Variants in SFRP1 observed in about 807,000 individuals in gnomAD.
SFRP1 encodes secreted frizzled related protein 1.
Under a neutral mutation model 25.9 loss-of-function variants are expected in SFRP1, and 9 were observed. That is an observed-to-expected ratio of 0.35 (90% CI 0.21 to 0.61). The LOEUF is 0.61. Ranked by LOEUF, SFRP1 falls within the 20% of genes least tolerant of loss-of-function variation. The pLI is 0.78. For missense variants in SFRP1, 346 were observed against 418.2 expected (o/e 0.83, Z 1.51); for synonymous variants, 178 against 174.0 (o/e 1.02, Z -0.18).
intron 2 of SFRP1, among the ~76,000 whole-genome samples, chr8:41,270,748 G>A (rs539257865): frequency 3.3e-5 from 5 of 151,744 alleles, no homozygotes; most frequent in South Asian, 2.1e-4. Flanking sequence ...GCTTGAACCC[G>A]GGAGGTGGAG....
chr8:41,300,187 G>A (rs1259545341), intron 2 of SFRP1, among the ~76,000 whole-genome samples: 4 of 152,146 alleles, frequency 2.6e-5, no homozygotes, highest in African/African-American at 7.2e-5. Context: ...ACGGAGGTGC[G>A]GGAAACTGAA....
intron 2 of SFRP1, among the ~76,000 whole-genome samples, chr8:41,277,492 G>C (rs1360733016): frequency 6.6e-6 from 1 of 152,186 alleles, no homozygotes; most frequent in Non-Finnish European, 1.5e-5. Flanking sequence ...ACTATCCCTC[G>C]CTCTGAGAGA....
At chr8:41,275,295 G>A (rs987701428) in intron 2 of SFRP1, 2 of 368,420 alleles carry the variant, frequency 5.4e-6, no homozygotes, top group African/African-American at 2.3e-5. Context: ...GGATGACGGG[G>A]CAAGCAGTTG....
At chr8:41,304,208 G>A (rs1007809561) in intron 1 of SFRP1, among the ~76,000 whole-genome samples, 15 of 152,186 alleles carry the variant, frequency 9.9e-5, no homozygotes, top group African/African-American at 7.2e-5. Context: ...GTGCTTTGAA[G>A]AGGAGGTTTG....
intron 2 of SFRP1, among the ~76,000 whole-genome samples, chr8:41,296,330 A>G (rs1287910211): frequency 6.6e-6 from 1 of 152,208 alleles, no homozygotes; most frequent in Non-Finnish European, 1.5e-5. Context: ...TGCCAGATAA[A>G]CAACTTTCTT....
At chr8:41,283,316 G>C (rs150145765) in intron 2 of SFRP1, among the ~76,000 whole-genome samples, 240 of 152,272 alleles carry the variant, frequency 1.6e-3, no homozygotes, top group South Asian at 5.2e-3. Flanking sequence ...GGAGTAGGAT[G>C]ATCTTTAGGC....
At chr8:41,294,671 T>C (rs1486408640) in intron 2 of SFRP1, among the ~76,000 whole-genome samples, 2 of 152,168 alleles carry the variant, frequency 1.3e-5, no homozygotes, top group African/African-American at 2.4e-5. Flanking sequence ...ATCTATTACC[T>C]GCACATCAAT....
chr8:41,307,405 C>CG (rs1804011913), intron 1 of SFRP1, among the ~76,000 whole-genome samples: 1 of 152,188 alleles, frequency 6.6e-6, no homozygotes, highest in African/African-American at 2.4e-5. Context: ...CCCACCTGCC[C>CG]AAATCCTCAC....
At chr8:41,270,252 G>A (rs1803487734) in intron 2 of SFRP1, among the ~76,000 whole-genome samples, 1 of 152,134 alleles carries the variant, frequency 6.6e-6, no homozygotes, top group Admixed American at 6.5e-5. Context: ...CTGAGCCCGT[G>A]CAATCATTCC....
chr8:41,294,142 G>A (rs1227552441), intron 2 of SFRP1, among the ~76,000 whole-genome samples: 1 of 152,158 alleles, frequency 6.6e-6, no homozygotes, highest in Admixed American at 6.5e-5. Context: ...CCTGAGAGGT[G>A]AGCACAGCGG....
At chr8:41,279,314 C>A (rs571513446) in intron 2 of SFRP1, among the ~76,000 whole-genome samples, 2 of 152,162 alleles carry the variant, frequency 1.3e-5, no homozygotes, top group Non-Finnish European at 2.9e-5. Context: ...TCAGCACTAA[C>A]AACAACAGCA....
chr8:41,281,528 T>C (rs1317781147), intron 2 of SFRP1, among the ~76,000 whole-genome samples: 1 of 152,240 alleles, frequency 6.6e-6, no homozygotes, highest in African/African-American at 2.4e-5. Context: ...ACATTGAGGA[T>C]GCGGAGGCAG....
intron 2 of SFRP1, among the ~76,000 whole-genome samples, chr8:41,287,686 C>T (rs1165281398): frequency 6.6e-6 from 1 of 152,222 alleles, no homozygotes; most frequent in Admixed American, 6.5e-5. Context: ...TTATAATAAC[C>T]TCTGAAGTTC....
At chr8:41,268,143 C>A (rs575088750) in intron 2 of SFRP1, among the ~76,000 whole-genome samples, 1 of 152,322 alleles carries the variant, frequency 6.6e-6, no homozygotes, top group South Asian at 2.1e-4. Flanking sequence ...AAGGTAGTAC[C>A]CACCACATGC....
chr8:41,284,519 G>A (rs564993294), intron 2 of SFRP1, among the ~76,000 whole-genome samples: 1 of 152,292 alleles, frequency 6.6e-6, no homozygotes, highest in African/African-American at 2.4e-5. Context: ...TGGCAATGGA[G>A]CTGCCACTCA....
intron 2 of SFRP1, among the ~76,000 whole-genome samples, chr8:41,289,646 C>T (rs1803751837): frequency 6.6e-6 from 1 of 152,194 alleles, no homozygotes; most frequent in South Asian, 2.1e-4. Context: ...CGCTGGAATC[C>T]TCTAAGGAAG....
At chr8:41,304,635 A>T (rs1231831252) in intron 1 of SFRP1, among the ~76,000 whole-genome samples, 1 of 152,032 alleles carries the variant, frequency 6.6e-6, no homozygotes. Flanking sequence ...CTCCTCCACC[A>T]TGGCTTCCGT....
At chr8:41,287,501 A>G (rs7827572) in intron 2 of SFRP1, among the ~76,000 whole-genome samples, 1,782 of 152,322 alleles carry the variant, frequency 0.012, 32 homozygotes, top group African/African-American at 0.04. Context: ...TCCCACCTGC[A>G]CCAGGGCCTG....
intron 1 of SFRP1, among the ~76,000 whole-genome samples, chr8:41,307,692 C>G (rs1435511034): frequency 6.6e-6 from 1 of 152,120 alleles, no homozygotes; most frequent in East Asian, 1.9e-4. Context: ...TATATTTTAT[C>G]TTTATATCTA....
Sources: gnomAD v4.1 joint callset for allele counts (sites outside exome capture counted in the v4.1 genomes callset) on GRCh38, gnomAD v4.1.1 for gene constraint, MANE v1.5 for transcripts, NCBI Gene and HGNC (gene_info 2026-07-23, HGNC 2026-07-21) for gene names.